The following RGS6 variants were observed in gnomAD, a reference collection of about 807,000 sequenced individuals.
RGS6 encodes the protein regulator of G protein signaling 6.
Under a neutral mutation model 78.5 loss-of-function variants are expected in RGS6, and 30 were observed. That is an observed-to-expected ratio of 0.38 (90% CI 0.29 to 0.52). The LOEUF (loss-of-function observed/expected upper bound fraction) is 0.52. RGS6 is among the 20% of genes least tolerant of loss of function. The pLI, the probability that RGS6 is intolerant of heterozygous loss-of-function variation, is 0.85. For synonymous variants in RGS6, 206 were observed against 206.0 expected (o/e 1.00, Z 0.00); for missense variants, 495 against 609.7 (o/e 0.81, Z 1.98).
chr14:72,138,852 G>T (rs923825374), intron 2 of RGS6, among the ~76,000 whole-genome samples: 1 of 152,120 alleles, frequency 6.6e-6, no homozygotes, highest in Non-Finnish European at 1.5e-5. Flanking sequence ...ACTGTCTACA[G>T]ATGGGACTGT....
intron 4 of RGS6, among the ~76,000 whole-genome samples, chr14:72,457,114 A>C (rs1446933330): frequency 6.6e-6 from 1 of 150,956 alleles, no homozygotes; most frequent in Non-Finnish European, 1.5e-5. Flanking sequence ...AAAAAATAGC[A>C]AATTGGTCAT....
rs571024675 is a variant in RGS6, at chr14:72,488,843, G to T, written c.855-6309G>T. Among the ~76,000 whole-genome samples, 41 of 152,322 alleles carry T rather than the reference G, an allele frequency of 2.7e-4. No homozygotes were observed. In the South Asian group the frequency reaches 8.1e-3, roughly 30 times the overall value. On this transcript the variant is annotated intron_variant, in intron 12 of 17. Coordinates refer to ENST00000553525, the MANE Select transcript of RGS6 (RefSeq NM_001204424.2). ...GTTGGACCCCACTTCCCAGGTTGGA[G>T]ATGTGACCACATCGAGGATCTGCTA... is the stretch of plus-strand genomic sequence containing the variant.
chr14:72,051,241 A>G (rs1239342570), intron 2 of RGS6, among the ~76,000 whole-genome samples: 4 of 152,288 alleles, frequency 2.6e-5, no homozygotes, highest in East Asian at 1.9e-4. Context: ...CAATAAATAG[A>G]TGGGTACCAA....
chr14:72,614,044 A>G, the RGS6 span, among the ~76,000 whole-genome samples: 1 of 151,900 alleles, frequency 6.6e-6, no homozygotes, highest in African/African-American at 2.4e-5. Context: ...AGGGGTTCCC[A>G]GCTCTCCAAG....
At chr14:72,442,699 G>A (rs969511959) in intron 3 of RGS6, among the ~76,000 whole-genome samples, 1 of 152,194 alleles carries the variant, frequency 6.6e-6, no homozygotes, top group African/African-American at 2.4e-5. Flanking sequence ...CACTCTCTCA[G>A]ACTGCACTTC....
At chr14:72,159,816 G>A (rs1317821640) in intron 2 of RGS6, among the ~76,000 whole-genome samples, 3 of 152,080 alleles carry the variant, frequency 2.0e-5, no homozygotes, top group Non-Finnish European at 4.4e-5. Flanking sequence ...AAAATAAATG[G>A]GGAGAAATCT....
intron 13 of RGS6, among the ~76,000 whole-genome samples, chr14:72,508,844 A>T: frequency 6.6e-6 from 1 of 152,106 alleles, no homozygotes; most frequent in Non-Finnish European, 1.5e-5. Context: ...TCTGGTTCAC[A>T]GACCACACCT....
chr14:72,073,181 T>C (rs1366695205), intron 2 of RGS6, among the ~76,000 whole-genome samples: 1 of 152,222 alleles, frequency 6.6e-6, no homozygotes, highest in Non-Finnish European at 1.5e-5. Context: ...AAATACTGTC[T>C]GCATCTCAGA....
chr14:72,331,618 CCTCT>C (rs149801430), intron 2 of RGS6, among the ~76,000 whole-genome samples: 1 of 150,198 alleles, frequency 6.7e-6, no homozygotes, highest in East Asian at 2.0e-4. Flanking sequence ...GTGTCATCAT[CCTCT>C]CTCTCTCTCT....
intron 2 of RGS6, among the ~76,000 whole-genome samples, chr14:72,268,096 T>C (rs1436078904): frequency 2.0e-5 from 3 of 152,212 alleles, no homozygotes; most frequent in African/African-American, 7.2e-5. Context: ...TTCTATTGTA[T>C]TTGTTGAAAT....
At chr14:72,373,480 G>A (rs369771441) in intron 3 of RGS6, among the ~76,000 whole-genome samples, 5 of 152,120 alleles carry the variant, frequency 3.3e-5, no homozygotes, top group Admixed American at 6.6e-5. Context: ...AAGTAGACTC[G>A]TTTTAGATTA....
At chr14:72,150,131 C>A (rs180788096) in intron 2 of RGS6, among the ~76,000 whole-genome samples, 172 of 152,246 alleles carry the variant, frequency 1.1e-3, no homozygotes, top group Middle Eastern at 6.8e-3. Context: ...GAGATGAAAT[C>A]ATCCTGGATT....
At chr14:72,236,775 C>G (rs1052058717) in intron 2 of RGS6, among the ~76,000 whole-genome samples, 1 of 152,144 alleles carries the variant, frequency 6.6e-6, no homozygotes, top group East Asian at 1.9e-4. Context: ...GAGAGAGGCA[C>G]TCCTCACTTC....
At chr14:71,874,239 G>T in the RGS6 span, among the ~76,000 whole-genome samples, 2 of 151,908 alleles carry the variant, frequency 1.3e-5, no homozygotes, top group African/African-American at 4.8e-5. Context: ...GGGCAGTATG[G>T]CCATTTTCAC....
rs1195471047 is a variant in RGS6, at chr14:71,964,726, A to G, written c.-20-46A>G. On this transcript the variant is annotated intron_variant, in intron 1 of 17. Coordinates refer to ENST00000553525, the MANE Select transcript of RGS6 (RefSeq NM_001204424.2). ...TTCTTTGCATTTCAAAGCCCTCTTT[A>G]TATAATTCCTTCGTGACTTAATGGT... 5.2e-6 allele frequency: 7 copies of G among 1,353,244 alleles called. No individual in the cohort carries two copies. In the Admixed American group the frequency reaches 8.1e-5, roughly 16 times the overall value. 83.8% of individuals were successfully genotyped at this position (1,353,244 alleles called of 1,614,324 possible). A position where few individuals can be genotyped will look rare whatever the true frequency, so the allele number is the denominator to read the frequency against.
chr14:72,496,865 G>A (rs556638888), intron 13 of RGS6, among the ~76,000 whole-genome samples: 1 of 152,030 alleles, frequency 6.6e-6, no homozygotes, highest in South Asian at 2.1e-4. Flanking sequence ...TATATATATA[G>A]TCCAATAATT....
chr14:72,059,102 G>A (rs2093764196), intron 2 of RGS6, among the ~76,000 whole-genome samples: 1 of 152,116 alleles, frequency 6.6e-6, no homozygotes, highest in East Asian at 1.9e-4. Context: ...GTTTTGCCAT[G>A]TTAGCTAGGC....
intron 3 of RGS6, among the ~76,000 whole-genome samples, chr14:72,440,506 G>T (rs747901127): frequency 6.7e-6 from 1 of 150,202 alleles, no homozygotes; most frequent in Non-Finnish European, 1.5e-5. Context: ...TCTGCCTCCC[G>T]GGTTCAAGCG....
intron 3 of RGS6, among the ~76,000 whole-genome samples, chr14:72,354,740 T>C (rs1047059878): frequency 2.6e-5 from 4 of 152,156 alleles, no homozygotes; most frequent in Non-Finnish European, 5.9e-5. Context: ...AATGCCATCA[T>C]GTTGGGGATT....
Sources: gnomAD v4.1 joint callset for allele counts (sites outside exome capture counted in the v4.1 genomes callset) on GRCh38, gnomAD v4.1.1 for gene constraint, MANE v1.5 for transcripts, NCBI Gene and HGNC (gene_info 2026-07-23, HGNC 2026-07-21) for gene names.